The following THSD7B variants were observed in gnomAD, a reference collection of about 807,000 sequenced individuals.
The protein encoded by THSD7B is thrombospondin type-1 domain-containing protein 7B.
A neutral mutation model predicts 213.6 loss-of-function variants in THSD7B; 138 were observed. That is an observed-to-expected ratio of 0.65 (90% CI 0.56 to 0.74). The LOEUF (loss-of-function observed/expected upper bound fraction) is 0.74, where lower values mean the gene tolerates loss of function less well. THSD7B is among the 30% of genes least tolerant of loss of function. The pLI is 0.00. For missense variants in THSD7B, 1,931 were observed against 1,991.5 expected (o/e 0.97, Z 0.58); for synonymous variants, 742 against 687.0 (o/e 1.08, Z -1.25).
intron 15 of THSD7B, among the ~76,000 whole-genome samples, chr2:137,529,219 A>G (rs1223909247): frequency 1.3e-5 from 2 of 152,012 alleles, no homozygotes; most frequent in Non-Finnish European, 2.9e-5. Flanking sequence ...TGGGCAATCT[A>G]GATATGATCA....
intron 3 of THSD7B, among the ~76,000 whole-genome samples, chr2:137,086,226 G>A (rs1687839319): frequency 6.6e-6 from 1 of 151,868 alleles, no homozygotes; most frequent in African/African-American, 2.4e-5. Context: ...AATCCCAGCT[G>A]TTTGGGAGGC....
rs187399858 is a variant in THSD7B at position 137,399,942 on chromosome 2, G to C, written c.2501-5671G>C. Among the ~76,000 whole-genome samples, 194 of 152,098 alleles carry C rather than the reference G, an allele frequency of 1.3e-3. 1 individual carries two copies. The highest frequency in any genetic ancestry group is 4.3e-3 in the African/African-American group (180 of 41,522). On this transcript the variant is annotated intron_variant, in intron 12 of 27. Transcript: ENST00000409968. ...GACTAGATTATTTCAAATGATGTGTGTTCAGGTCCTGAGATCTTTTACTGG... is the reference window on the plus strand; with the variant it reads ...GACTAGATTATTTCAAATGATGTGTCTTCAGGTCCTGAGATCTTTTACTGG...
At chr2:137,046,114 G>T (rs1370985843) in intron 2 of THSD7B, among the ~76,000 whole-genome samples, 1 of 152,042 alleles carries the variant, frequency 6.6e-6, no homozygotes, top group Non-Finnish European at 1.5e-5. Flanking sequence ...TGCTGCCTAT[G>T]ATGCTACTTG....
chr2:137,113,549 G>A (rs1268380442), intron 4 of THSD7B, among the ~76,000 whole-genome samples: 6 of 152,028 alleles, frequency 3.9e-5, no homozygotes, highest in South Asian at 2.1e-4. Flanking sequence ...TGATTCTCCC[G>A]TCTCAGCCTC....
intron 1 of THSD7B, among the ~76,000 whole-genome samples, chr2:136,868,155 C>T (rs982940466): frequency 2.0e-5 from 3 of 151,876 alleles, no homozygotes; most frequent in African/African-American, 7.3e-5. Context: ...CTTGAAGATG[C>T]AAGTTGAAAT....
At chr2:137,322,329 T>G (rs1684279353) in intron 12 of THSD7B, among the ~76,000 whole-genome samples, 2 of 152,132 alleles carry the variant, frequency 1.3e-5, no homozygotes, top group African/African-American at 4.8e-5. Flanking sequence ...ACTTTCTCAG[T>G]AGAGACATTA....
chr2:137,342,265 G>A (rs1028463845), intron 12 of THSD7B, among the ~76,000 whole-genome samples: 2 of 151,280 alleles, frequency 1.3e-5, no homozygotes, highest in South Asian at 4.2e-4. Context: ...TGTAGCTATT[G>A]CAAATGAGAT....
At chr2:137,655,726 T>A in intron 22 of THSD7B, 66 bp downstream of exon 22, 4 of 1,506,268 alleles carry the variant, frequency 2.7e-6, no homozygotes, top group Non-Finnish European at 3.6e-6. Context: ...ACTACTGTTT[T>A]CCTAGAGATG....
chr2:137,594,674 C>A (rs976905244), intron 17 of THSD7B, among the ~76,000 whole-genome samples: 2 of 151,894 alleles, frequency 1.3e-5, no homozygotes, highest in African/African-American at 4.8e-5. Context: ...CTTAATTCTT[C>A]AAAATTTTCA....
intron 10 of THSD7B, among the ~76,000 whole-genome samples, chr2:137,254,612 C>T (rs1682262048): frequency 6.6e-6 from 1 of 152,084 alleles, no homozygotes; most frequent in African/African-American, 2.4e-5. Context: ...GTCACTTTTT[C>T]ACAGTATTTT....
intron 21 of THSD7B, 128 bp downstream of exon 21, chr2:137,642,761 A>AATGCG: frequency 9.0e-7 from 1 of 1,109,004 alleles, no homozygotes; most frequent in Non-Finnish European, 1.3e-6. Flanking sequence ...TTTTTAATGC[A>AATGCG]ATGCAGAACA....
At position 137,347,555 on chromosome 2, in the gene THSD7B, ATTT is replaced by A. The variant is rs5834547; in HGVS notation, c.2501-58040_2501-58038del. On this transcript the variant is annotated intron_variant, in intron 12 of 27. Transcript: ENST00000409968. ...GAATGACTTACATTCACTGATATTGATTTTTTTTTTTTTTTTTTTTAAATAACA... is the reference window on the plus strand; with the variant it reads ...GAATGACTTACATTCACTGATATTGATTTTTTTTTTTTTTTTTAAATAACA... Among the ~76,000 whole-genome samples the A allele has an allele frequency of 1.8e-3, 237 of 135,334 alleles. 1 individual carries two copies. The highest frequency in any genetic ancestry group is 5.0e-3 in the African/African-American group (186 of 37,120). 88.8% of individuals were successfully genotyped at this position (135,334 alleles called of 152,430 possible). A position where few individuals can be genotyped will look rare whatever the true frequency, so the allele number is the denominator to read the frequency against.
At chr2:137,541,613 C>T (rs1680611075) in intron 15 of THSD7B, among the ~76,000 whole-genome samples, 1 of 151,588 alleles carries the variant, frequency 6.6e-6, no homozygotes, top group South Asian at 2.1e-4. Flanking sequence ...TATAGTCATG[C>T]TACAGTACAG....
rs900390067 is a variant in THSD7B at position 137,094,771 on chromosome 2, T to G, written c.951-102T>G. On this transcript the variant is annotated intron_variant, in intron 3 of 27. Transcript: ENST00000409968. ...TTTAAAAATCTTCCTATTAAACGCT[T>G]AAATCAAATTTCAGAGTTTTTTTTC... is the stretch of plus-strand genomic sequence containing the variant. 2.6e-5 allele frequency: 37 copies of G among 1,440,890 alleles called. No individual in the cohort carries two copies. The Middle Eastern group carries it at 7.3e-4, about 28-fold the overall frequency. The allele number at this position is 1,440,890 out of a possible 1,614,324, so 89.3% of individuals were successfully genotyped here. A position where few individuals can be genotyped will look rare whatever the true frequency, so the allele number is the denominator to read the frequency against.
chr2:137,458,367 T>C (rs1687812675), intron 15 of THSD7B, among the ~76,000 whole-genome samples: 1 of 152,176 alleles, frequency 6.6e-6, no homozygotes, highest in African/African-American at 2.4e-5. Context: ...TTACTTTGAC[T>C]GGACCACTTC....
intron 16 of THSD7B, among the ~76,000 whole-genome samples, chr2:137,569,562 T>G (rs1681311607): frequency 6.6e-6 from 1 of 152,168 alleles, no homozygotes; most frequent in Non-Finnish European, 1.5e-5. Context: ...CTTCAGTTTT[T>G]TTAAGCCTCA....
At chr2:137,262,126 A>C (rs1682465890) in intron 10 of THSD7B, among the ~76,000 whole-genome samples, 1 of 152,144 alleles carries the variant, frequency 6.6e-6, no homozygotes, top group South Asian at 2.1e-4. Context: ...TGTCAGCACA[A>C]TGGTCGGCCT....
chr2:137,020,527 A>C (rs2104842870), intron 2 of THSD7B, among the ~76,000 whole-genome samples: 1 of 152,244 alleles, frequency 6.6e-6, no homozygotes, highest in South Asian at 2.1e-4. Flanking sequence ...TAGCACAGCA[A>C]GTTCGTCTGT....
At chr2:137,648,347 G>C (rs1683075522) in intron 21 of THSD7B, among the ~76,000 whole-genome samples, 1 of 151,564 alleles carries the variant, frequency 6.6e-6, no homozygotes, top group African/African-American at 2.4e-5. Context: ...CTATATATTT[G>C]TACCCATTAA....
Sources: gnomAD v4.1 joint callset for allele counts (sites outside exome capture counted in the v4.1 genomes callset) on GRCh38, gnomAD v4.1.1 for gene constraint, MANE v1.5 for transcripts, NCBI Gene and HGNC (gene_info 2026-07-23, HGNC 2026-07-21) for gene names.